The following ADAMTSL3 variants were observed in gnomAD, a reference collection of about 807,000 sequenced individuals.
ADAMTSL3 encodes ADAMTS-like protein 3.
In ADAMTSL3, 128 loss-of-function variants were observed where a neutral mutation model predicts 201.7. The observed-to-expected ratio is 0.63, with a 90% CI of 0.55 to 0.73. The LOEUF is 0.73. Ranked by LOEUF, ADAMTSL3 falls within the 30% of genes least tolerant of loss-of-function variation. ADAMTSL3 has a pLI of 0.00. For missense variants in ADAMTSL3, 1,990 were observed against 2,119.6 expected (o/e 0.94, Z 1.20); for synonymous variants, 738 against 748.4 (o/e 0.99, Z 0.23).
In ADAMTSL3 at chr15:83,983,248, G is replaced by A; in HGVS notation, c.3620G>A (p.Arg1207Lys). The change falls in exon 21 of 30, where the codon AGG (arginine) becomes AAG (lysine). Residue 1207 changes from arginine (R) to lysine (K), a missense_variant. By Grantham distance (26) the Arg-to-Lys change is conservative (BLOSUM62 2). Transcript: ENST00000286744. ...GGAAATACAGTATACATTACAAAAA[G>A]GACAGAGGTCATCAATATACTGTGT... ...RIGNTVYITK[R>K]TEVINILCDL... 6.2e-7 allele frequency: 1 copy of A among 1,613,596 alleles called. No individual in the cohort carries two copies. Among genetic ancestry groups the A allele is most frequent in the Non-Finnish European group, 8.5e-7 (1 of 1,179,786 alleles).
chr15:83,827,738 A>AT (rs1234252305), intron 6 of ADAMTSL3, among the ~76,000 whole-genome samples: 1 of 152,082 alleles, frequency 6.6e-6, no homozygotes, highest in Non-Finnish European at 1.5e-5. Flanking sequence ...ATGGCTAGTC[A>AT]TTTTTATTTT....
intron 20 of ADAMTSL3, among the ~76,000 whole-genome samples, chr15:83,970,928 A>C (rs1476044241): frequency 6.6e-6 from 1 of 152,190 alleles, no homozygotes; most frequent in Admixed American, 6.5e-5. Context: ...AGAGTTCAGG[A>C]GTGTTCCATG....
At chr15:83,833,949 A>G (rs1200214684) in intron 6 of ADAMTSL3, among the ~76,000 whole-genome samples, 1 of 152,202 alleles carries the variant, frequency 6.6e-6, no homozygotes, top group Non-Finnish European at 1.5e-5. Context: ...GAAACTTCCA[A>G]TTTTAAAAAT....
intron 2 of ADAMTSL3, among the ~76,000 whole-genome samples, chr15:83,661,072 G>T (rs1453836690): frequency 3.8e-4 from 56 of 145,656 alleles, no homozygotes; most frequent in African/African-American, 1.4e-3. Context: ...TCTCAGGTTT[G>T]TCAAAGATCA....
At chr15:83,675,785 T>G (rs781547710) in intron 2 of ADAMTSL3, among the ~76,000 whole-genome samples, 5 of 152,120 alleles carry the variant, frequency 3.3e-5, no homozygotes, top group African/African-American at 4.8e-5. Context: ...TTATATAGTA[T>G]TATTCAGGTT....
chr15:83,891,344 G>A lies in ADAMTSL3; in HGVS notation c.1227G>A (p.Glu409=). The A allele has an allele frequency of 1.2e-6, 2 of 1,612,246 alleles. No homozygotes were observed. Among genetic ancestry groups the A allele is most frequent in the Non-Finnish European group, 1.7e-6 (2 of 1,178,504 alleles). ...TCATTTGTAGTGATGGATTTAAAGA[G>A]ATAATGCCCTATGACCACTTCCAAC... ...DPCPSSDGFK[E]IMPYDHFQPL... Residue 409 remains glutamate, a synonymous_variant, in exon 12 of 30, where the codon GAG becomes GAA. Transcript: ENST00000286744.
At chr15:83,912,111 G>C (rs920094470) in intron 15 of ADAMTSL3, among the ~76,000 whole-genome samples, 17 of 152,042 alleles carry the variant, frequency 1.1e-4, no homozygotes, top group Admixed American at 2.6e-4. Flanking sequence ...TGTTTTTTCA[G>C]AGTATCTTAA....
At chr15:83,774,051 T>A (rs1351285773) in intron 4 of ADAMTSL3, among the ~76,000 whole-genome samples, 2 of 152,228 alleles carry the variant, frequency 1.3e-5, no homozygotes, top group African/African-American at 2.4e-5. Flanking sequence ...AAGTTCTGTT[T>A]TCACATTTTA....
At chr15:83,730,909 C>T (rs1391505733) in intron 3 of ADAMTSL3, among the ~76,000 whole-genome samples, 5 of 151,990 alleles carry the variant, frequency 3.3e-5, no homozygotes, top group Non-Finnish European at 7.4e-5. Context: ...GGTTTTAGGT[C>T]TTACATTTAA....
intron 3 of ADAMTSL3, among the ~76,000 whole-genome samples, chr15:83,760,917 ATC>A (rs1039165840): frequency 1.3e-5 from 2 of 152,032 alleles, no homozygotes; most frequent in African/African-American, 4.8e-5. Context: ...TATCCTGACA[ATC>A]TGTCTTTTAA....
chr15:83,794,894 C>G (rs2063398904), intron 4 of ADAMTSL3, among the ~76,000 whole-genome samples: 1 of 152,222 alleles, frequency 6.6e-6, no homozygotes, highest in South Asian at 2.1e-4. Context: ...ACTCCGTTGT[C>G]CAGGCTTGAG....
intron 27 of ADAMTSL3, among the ~76,000 whole-genome samples, chr15:84,026,567 T>C (rs1201940012): frequency 6.6e-6 from 1 of 152,144 alleles, no homozygotes; most frequent in Non-Finnish European, 1.5e-5. Flanking sequence ...GCTACAGTAA[T>C]CAAGATAGTA....
intron 20 of ADAMTSL3, among the ~76,000 whole-genome samples, chr15:83,972,661 A>G (rs2067217328): frequency 1.3e-5 from 2 of 152,170 alleles, no homozygotes; most frequent in East Asian, 1.9e-4. Context: ...AAAAAAAGAC[A>G]GTAATATTTT....
intron 20 of ADAMTSL3, among the ~76,000 whole-genome samples, chr15:83,973,040 G>A (rs760131508): frequency 1.3e-5 from 2 of 152,120 alleles, no homozygotes; most frequent in Admixed American, 1.3e-4. Flanking sequence ...CCCTTCTTCA[G>A]GACACACCAC....
intron 3 of ADAMTSL3, among the ~76,000 whole-genome samples, chr15:83,712,464 C>G (rs1402199478): frequency 6.6e-6 from 1 of 152,202 alleles, no homozygotes; most frequent in African/African-American, 2.4e-5. Flanking sequence ...CTTGGAGTCC[C>G]TACTGCTACT....
chr15:84,009,121 C>A (rs1008109256), intron 23 of ADAMTSL3, among the ~76,000 whole-genome samples: 14 of 152,196 alleles, frequency 9.2e-5, no homozygotes, highest in African/African-American at 3.1e-4. Context: ...ACATAGCTGT[C>A]AAAGCAGTCC....
chr15:83,898,561 T>G (rs1156362737), intron 14 of ADAMTSL3, among the ~76,000 whole-genome samples: 2 of 152,068 alleles, frequency 1.3e-5, no homozygotes, highest in African/African-American at 4.8e-5. Flanking sequence ...GATCTATGGA[T>G]GCATTTATAA....
intron 19 of ADAMTSL3, among the ~76,000 whole-genome samples, chr15:83,963,120 G>A (rs956062726): frequency 6.6e-6 from 1 of 152,202 alleles, no homozygotes; most frequent in Non-Finnish European, 1.5e-5. Context: ...GCTAGCTGCA[G>A]GAGGTTTTTT....
At chr15:83,800,343 T>C (rs2063497983) in intron 4 of ADAMTSL3, among the ~76,000 whole-genome samples, 1 of 152,126 alleles carries the variant, frequency 6.6e-6, no homozygotes, top group Non-Finnish European at 1.5e-5. Flanking sequence ...GAGTTGTACA[T>C]ACTTTTTAGG....
Sources: allele counts gnomAD v4.1 joint callset (sites outside exome capture counted in the v4.1 genomes callset), GRCh38; gene constraint gnomAD v4.1.1; transcripts MANE v1.5; gene names NCBI Gene and HGNC (gene_info 2026-07-23, HGNC 2026-07-21).